Variants in ATP10B observed in about 807,000 individuals in gnomAD.
ATP10B encodes the protein phospholipid-transporting ATPase VB.
ATP10B carries 122 observed loss-of-function variants against 141.2 expected under a neutral mutation model. The observed-to-expected ratio is 0.86, with a 90% CI of 0.75 to 1.00. The LOEUF is 1.00. ATP10B is among the 50% of genes least tolerant of loss of function. ATP10B has a pLI of 0.00. For missense variants in ATP10B, 1,876 were observed against 1,825.3 expected (o/e 1.03, Z -0.51); for synonymous variants, 685 against 692.0 (o/e 0.99, Z 0.16).
chr5:160,617,220 T>C (rs986810785), intron 16 of ATP10B, among the ~76,000 whole-genome samples: 2 of 152,250 alleles, frequency 1.3e-5, no homozygotes, highest in Non-Finnish European at 2.9e-5. Flanking sequence ...GTGTCCACAC[T>C]CTGCAATTCG....
chr5:160,598,378 G>A (rs1756868393), intron 22 of ATP10B, among the ~76,000 whole-genome samples: 1 of 151,878 alleles, frequency 6.6e-6, no homozygotes, highest in Admixed American at 6.6e-5. Flanking sequence ...CACACTCTGG[G>A]GACTGTTGTG....
chr5:160,877,459 C>T, the ATP10B span, among the ~76,000 whole-genome samples: 1 of 146,378 alleles, frequency 6.8e-6, no homozygotes, highest in African/African-American at 2.5e-5. Context: ...GAAGCATTCC[C>T]TTTGAAAACT....
intron 1 of ATP10B, among the ~76,000 whole-genome samples, chr5:160,822,010 T>C (rs993077692): frequency 1.3e-5 from 2 of 151,902 alleles, no homozygotes; most frequent in African/African-American, 2.4e-5. Flanking sequence ...AATGGACAAA[T>C]GGGATCACAT....
chr5:160,594,782 G>A (rs553802594), intron 22 of ATP10B, among the ~76,000 whole-genome samples: 1 of 152,008 alleles, frequency 6.6e-6, no homozygotes, highest in East Asian at 1.9e-4. Context: ...AAGATCAAAA[G>A]AGACAAAGAA....
intron 1 of ATP10B, among the ~76,000 whole-genome samples, chr5:160,843,897 T>C (rs1458379013): frequency 6.6e-6 from 1 of 152,128 alleles, no homozygotes; most frequent in African/African-American, 2.4e-5. Context: ...TTTATACTTT[T>C]CTGTAATTTA....
the ATP10B span, among the ~76,000 whole-genome samples, chr5:160,866,100 TG>T: frequency 6.7e-6 from 1 of 150,212 alleles, no homozygotes; most frequent in Admixed American, 6.6e-5. Flanking sequence ...TATATGAAAA[TG>T]ACATATGCAC....
rs1304836754 is a variant in ATP10B at position 160,620,758 on chromosome 5, A to G, written c.2005T>C (p.Cys669Arg). The G allele has an allele frequency of 1.2e-6, 2 of 1,614,196 alleles. No homozygotes were observed. The highest frequency in any genetic ancestry group is 2.2e-5 in the East Asian group (1 of 44,876). The change falls in exon 15 of 26, where the codon TGC becomes CGC. Residue 669 changes from cysteine to arginine, a missense_variant. Physicochemically the swap from Cys to Arg is radical, Grantham distance 180 (BLOSUM62 -3). Coordinates refer to ENST00000327245, the MANE Select transcript of ATP10B (RefSeq NM_025153.3). ...TCATCAGTGGAGTCACCTCCACTGC[A>G]CACAGATGCATCATCTCTCTCATCC... ...DSDERDDASV[C>R]SGGDSTDDGG...
At chr5:160,786,284 T>C (rs1418304377) in intron 1 of ATP10B, among the ~76,000 whole-genome samples, 2 of 152,122 alleles carry the variant, frequency 1.3e-5, no homozygotes, top group Admixed American at 1.3e-4. Context: ...GACTGCAGTT[T>C]TGAGTGAGAG....
intron 6 of ATP10B, among the ~76,000 whole-genome samples, chr5:160,680,546 C>T (rs994712778): frequency 1.3e-5 from 2 of 152,114 alleles, no homozygotes; most frequent in African/African-American, 4.8e-5. Context: ...CCTGCTAATA[C>T]GTGGAAAGCA....
chr5:160,769,910 G>A (rs1769758738), intron 2 of ATP10B, among the ~76,000 whole-genome samples: 1 of 152,136 alleles, frequency 6.6e-6, no homozygotes, highest in Non-Finnish European at 1.5e-5. Context: ...TCATGATTTT[G>A]CCCGAAGGGG....
chr5:160,594,404 G>C (rs1346506264), intron 22 of ATP10B, among the ~76,000 whole-genome samples: 1 of 152,156 alleles, frequency 6.6e-6, no homozygotes, highest in Non-Finnish European at 1.5e-5. Flanking sequence ...AACATGGAAA[G>C]GAACAACCAG....
intron 2 of ATP10B, among the ~76,000 whole-genome samples, chr5:160,761,450 G>C (rs990322149): frequency 1.3e-5 from 2 of 152,046 alleles, no homozygotes; most frequent in Non-Finnish European, 2.9e-5. Context: ...GGGCCCAGTA[G>C]CCTTGCTGGG....
At chr5:160,606,637 T>C (rs1757404754) in intron 19 of ATP10B, 128 bp downstream of exon 19, 1 of 910,028 alleles carries the variant, frequency 1.1e-6, no homozygotes, top group African/African-American at 1.7e-5. Flanking sequence ...TTTTGAACTC[T>C]CTCCCTCTAA....
At chr5:160,646,769 T>C (rs1760304940) in intron 8 of ATP10B, among the ~76,000 whole-genome samples, 1 of 152,352 alleles carries the variant, frequency 6.6e-6, no homozygotes, top group Non-Finnish European at 1.5e-5. Flanking sequence ...TAATGTTCCT[T>C]TTCAAAGAAT....
chr5:160,753,068 T>C (rs1391754919), intron 2 of ATP10B, among the ~76,000 whole-genome samples: 1 of 152,186 alleles, frequency 6.6e-6, no homozygotes, highest in Non-Finnish European at 1.5e-5. Context: ...GCCAATTAAA[T>C]TACTGAACCC....
intron 1 of ATP10B, among the ~76,000 whole-genome samples, chr5:160,808,576 A>C (rs947580776): frequency 1.3e-5 from 2 of 151,982 alleles, no homozygotes; most frequent in African/African-American, 4.8e-5. Context: ...ACCTTTCCCT[A>C]CCTTAACTGG....
chr5:160,683,470 A>G (rs1018002184), intron 6 of ATP10B, among the ~76,000 whole-genome samples: 1 of 152,128 alleles, frequency 6.6e-6, no homozygotes, highest in South Asian at 2.1e-4. Context: ...AGTTTGACTC[A>G]TAAATCCTTT....
intron 1 of ATP10B, among the ~76,000 whole-genome samples, chr5:160,838,886 A>T (rs915172426): frequency 6.6e-6 from 1 of 152,024 alleles, no homozygotes; most frequent in African/African-American, 2.4e-5. Flanking sequence ...TTTAGCACCA[A>T]CCTCTTGGTG....
the ATP10B span, among the ~76,000 whole-genome samples, chr5:160,903,544 T>C: frequency 2.6e-5 from 4 of 152,208 alleles, no homozygotes; most frequent in African/African-American, 9.6e-5. Context: ...TTTATCCTGT[T>C]GCACAAAATG....
Sources: allele counts gnomAD v4.1 joint callset (sites outside exome capture counted in the v4.1 genomes callset), GRCh38; gene constraint gnomAD v4.1.1; transcripts MANE v1.5; gene names NCBI Gene and HGNC (gene_info 2026-07-23, HGNC 2026-07-21).